The following SMIM27 variants were observed in gnomAD, a reference collection of about 807,000 sequenced individuals.
SMIM27 encodes the protein transition zone microprotein 1.
In SMIM27, 3 loss-of-function variants were observed where a neutral mutation model predicts 1.8. That is an observed-to-expected ratio of 1.65 (90% CI 0.75 to 4.28). The LOEUF is 4.28. Ranked by LOEUF, SMIM27 falls within the 30% of genes most tolerant of loss-of-function variation. The probability of loss-of-function intolerance (pLI) is 0.02; values close to 1 mark genes in which losing one functional copy is unlikely to be tolerated. For synonymous variants in SMIM27, 19 were observed against 13.9 expected, an observed-to-expected ratio of 1.37 and a Z score of -0.82; for missense variants, 63 against 37.0, an observed-to-expected ratio of 1.70 and a Z score of -1.83.
downstream of SMIM27, chr9:32,553,576 C>T (rs1474215598): frequency 6.8e-6 from 2 of 292,430 alleles, no homozygotes; most frequent in African/African-American, 2.2e-5. Context: ...ACCCTGATAC[C>T]AAATTAGTGT....
chr9:32,564,337 T>G (rs1458602787), intron 1 of SMIM27, among the ~76,000 whole-genome samples: 1 of 152,184 alleles, frequency 6.6e-6, no homozygotes, highest in African/African-American at 2.4e-5. Context: ...CAGGCATACC[T>G]TACTTTATTG....
downstream of SMIM27, among the ~76,000 whole-genome samples, chr9:32,554,674 AAT>A (rs1300111554): frequency 1.3e-5 from 2 of 152,336 alleles, no homozygotes; most frequent in African/African-American, 2.4e-5. Context: ...TGAAAAAATA[AAT>A]ATGTTTATGC....
upstream of SMIM27, chr9:32,551,598 G>T: frequency 4.0e-6 from 1 of 248,686 alleles, no homozygotes; most frequent in Non-Finnish European, 8.6e-6. Context: ...ATAACTGCGA[G>T]GTATAAAGAA....
At chr9:32,562,299 G>C (rs957704824) in intron 1 of SMIM27, among the ~76,000 whole-genome samples, 1 of 152,210 alleles carries the variant, frequency 6.6e-6, no homozygotes, top group African/African-American at 2.4e-5. Context: ...GGACATGCTA[G>C]GCACTCCGTA....
At chr9:32,553,694 T>C (rs756128655), downstream of SMIM27, 2 of 554,040 alleles carry the variant, frequency 3.6e-6, no homozygotes, top group Non-Finnish European at 6.4e-6. Context: ...CATATTTGTT[T>C]AGCATGTCCA....
chr9:32,556,581 A>C (rs556536437), downstream of SMIM27, among the ~76,000 whole-genome samples: 2 of 152,354 alleles, frequency 1.3e-5, no homozygotes, highest in South Asian at 2.1e-4. Flanking sequence ...CATGGCACAG[A>C]AACAAGAAAG....
rs191329410 is a variant in SMIM27 at position 32,563,963 on chromosome 9, T to C, written c.46-2428T>C. ...AATAATATGTTCCAAGCTCATCTTA[T>C]ACTTTCTCTCCTCCCGCCCTAGAAT... On this transcript the variant is annotated intron_variant, in intron 1 of 1. Coordinates refer to the SMIM27 transcript ENST00000451672. Among the ~76,000 whole-genome samples the C allele has an allele frequency of 1.9e-3, 283 of 152,356 alleles. 3 individuals are homozygous for C. Among genetic ancestry groups the C allele is most frequent in the Non-Finnish European group, 5.6e-4 (38 of 68,032 alleles).
At chr9:32,566,650 CCT>C in exon 2 of SMIM27, 4 of 800,736 alleles carry the variant, frequency 5.0e-6, no homozygotes, top group Non-Finnish European at 9.1e-6. Context: ...CAGGAGCTCA[CCT>C]CTCTCAGGTA....
chr9:32,560,304 A>G (rs1298646309), intron 1 of SMIM27, among the ~76,000 whole-genome samples: 3 of 152,256 alleles, frequency 2.0e-5, no homozygotes, highest in Non-Finnish European at 4.4e-5. Flanking sequence ...TGGAAGTGTG[A>G]ACCCTCAGAT....
chr9:32,566,801 G>C, exon 2 of SMIM27: 1 of 894,322 alleles, frequency 1.1e-6, no homozygotes, highest in Non-Finnish European at 1.8e-6. Flanking sequence ...ACAGGAGGTC[G>C]GCCAGCAGTC....
At chr9:32,560,840 A>C (rs1459221726) in intron 1 of SMIM27, among the ~76,000 whole-genome samples, 2 of 152,216 alleles carry the variant, frequency 1.3e-5, no homozygotes, top group Non-Finnish European at 2.9e-5. Context: ...ATAGAATTTT[A>C]AAACTGAATT....
At chr9:32,551,214 G>A, upstream of SMIM27, 3 of 599,666 alleles carry the variant, frequency 5.0e-6, no homozygotes, top group South Asian at 5.8e-5. Context: ...CAGCCACTGG[G>A]GACACTGACT....
chr9:32,552,834 T>A lies in SMIM27; in HGVS notation c.79T>A (p.Cys27Ser), dbSNP rs1250640005. The change falls in exon 2 of 2, where the codon TGC becomes AGC. Residue 27 changes from cysteine (C) to serine (S), a missense_variant. By Grantham distance (112) the Cys-to-Ser change is moderately radical. Coordinates refer to ENST00000692500, the MANE Select transcript of SMIM27 (RefSeq NM_001387564.1). ...TGCCATCGTTTTAATCTCCTGGGGC[T>A]GCATCATCTATGCTTCGATGGTGTC... ...LLAIVLISWG[C>S]IIYASMVSAR... is the part of the protein sequence containing the mutation. 1.4e-6 allele frequency: 1 copy of A among 702,650 alleles called. No individual in the cohort carries two copies. The highest frequency in any genetic ancestry group is 1.7e-5 in the African/African-American group (1 of 57,250). The allele number at this position is 702,650 out of a possible 1,614,324, so 43.5% of individuals were successfully genotyped here. A position where few individuals can be genotyped will look rare whatever the true frequency, so the allele number is the denominator to read the frequency against.
upstream of SMIM27, chr9:32,552,186 A>G: frequency 1.7e-6 from 1 of 601,838 alleles, no homozygotes; most frequent in Non-Finnish European, 2.9e-6. Context: ...AAAAAAAAAA[A>G]AAAAAAGCAA....
intron 1 of SMIM27, among the ~76,000 whole-genome samples, chr9:32,560,831 T>C (rs1382807442): frequency 6.6e-6 from 1 of 152,206 alleles, no homozygotes. Context: ...CATAGTTTAA[T>C]AGAATTTTAA....
intron 1 of SMIM27, among the ~76,000 whole-genome samples, chr9:32,558,407 G>A (rs1821532502): frequency 6.6e-6 from 1 of 152,132 alleles, no homozygotes; most frequent in Non-Finnish European, 1.5e-5. Context: ...CACTGTGCCT[G>A]GCCCATAGTA....
chr9:32,562,726 C>G (rs1315309536), intron 1 of SMIM27, among the ~76,000 whole-genome samples: 1 of 152,164 alleles, frequency 6.6e-6, no homozygotes, highest in Non-Finnish European at 1.5e-5. Flanking sequence ...GAAATTAACA[C>G]TCATACATTA....
intron 1 of SMIM27, chr9:32,559,010 TAAGA>T (rs1821554274): frequency 5.4e-6 from 7 of 1,307,380 alleles, no homozygotes; most frequent in South Asian, 1.3e-5. Context: ...CTTCTGAAAA[TAAGA>T]AATAGGTCAT....
Position 32,552,452 on chromosome 9 carries a change from T to C in SMIM27, c.18T>C (p.Arg6=), listed in dbSNP as rs542094272. ...TCCTTACCATGAAGCCAGTAAGTCG[T>C]CGCACGCTGGACTGGATTTATTCAG... The part of the protein sequence containing the change: MKPVS[R]RTLDWIYSVL... The change falls in exon 1 of 2, where the codon CGT becomes CGC. Residue 6 remains arginine (R), a synonymous_variant. Coordinates refer to ENST00000692500, the MANE Select transcript of SMIM27 (RefSeq NM_001387564.1). The C allele has an allele frequency of 5.6e-6, 9 of 1,604,870 alleles. No homozygotes were observed. The East Asian group carries it at 2.0e-4, about 36-fold the overall frequency.
Sources: gnomAD v4.1 joint callset for allele counts (sites outside exome capture counted in the v4.1 genomes callset) on GRCh38, gnomAD v4.1.1 for gene constraint, MANE v1.5 for transcripts, NCBI Gene and HGNC (gene_info 2026-07-23, HGNC 2026-07-21) for gene names.